The following PPP2R2A variants were observed in gnomAD, a reference collection of about 807,000 sequenced individuals.
The protein encoded by PPP2R2A is protein phosphatase 2 regulatory subunit Balpha.
PPP2R2A carries 9 observed loss-of-function variants against 53.2 expected under a neutral mutation model. The ratio of observed to expected loss-of-function variants is 0.17; its 90% confidence interval spans 0.10 to 0.30. The LOEUF (loss-of-function observed/expected upper bound fraction) is 0.30. PPP2R2A is among the 10% of genes least tolerant of loss of function. The pLI, the probability that PPP2R2A is intolerant of heterozygous loss-of-function variation, is 1.00. For missense variants in PPP2R2A, 235 were observed against 534.6 expected (o/e 0.44, Z 5.53); for synonymous variants, 169 against 174.2 (o/e 0.97, Z 0.23).
intron 2 of PPP2R2A, chr8:26,333,401 G>C (rs879944305): frequency 1.6e-5 from 8 of 485,564 alleles, no homozygotes; most frequent in Admixed American, 7.0e-5. Flanking sequence ...TAACTATTGA[G>C]TATTTCAAAT....
intron 2 of PPP2R2A, 141 bp downstream of exon 2, chr8:26,293,881 T>G: frequency 1.4e-6 from 1 of 732,256 alleles, no homozygotes; most frequent in Non-Finnish European, 2.2e-6. Flanking sequence ...TTTTAAAAGA[T>G]ACCTTTCTGA....
At chr8:26,352,231 A>G (rs1285362397) in intron 3 of PPP2R2A, among the ~76,000 whole-genome samples, 2 of 152,216 alleles carry the variant, frequency 1.3e-5, no homozygotes, top group Non-Finnish European at 2.9e-5. Flanking sequence ...ATGCATTCTC[A>G]TTTGAGTGGC....
At chr8:26,291,856 C>G in intron 1 of PPP2R2A, 30 bp downstream of exon 1, 1 of 1,607,708 alleles carries the variant, frequency 6.2e-7, no homozygotes, top group Non-Finnish European at 8.5e-7. Context: ...CGCCCCCTGA[C>G]AAGGCACCGC....
chr8:26,306,384 G>A (rs1275387212), intron 2 of PPP2R2A, among the ~76,000 whole-genome samples: 3 of 150,526 alleles, frequency 2.0e-5, no homozygotes, highest in Non-Finnish European at 4.4e-5. Flanking sequence ...GCTGAGGCAC[G>A]AGAAATACTT....
chr8:26,369,925 G>T (rs201037086), intron 9 of PPP2R2A, among the ~76,000 whole-genome samples: 1 of 152,142 alleles, frequency 6.6e-6, no homozygotes, highest in South Asian at 2.1e-4. Flanking sequence ...GATAGTTTTG[G>T]TAGCCATAAA....
intron 4 of PPP2R2A, chr8:26,359,004 C>G (rs895098182): frequency 4.4e-6 from 2 of 452,380 alleles, no homozygotes; most frequent in African/African-American, 4.0e-5. Context: ...ATTGTCTTAA[C>G]CAAATGACCC....
At chr8:26,309,381 A>G (rs921970630) in intron 2 of PPP2R2A, among the ~76,000 whole-genome samples, 11 of 152,174 alleles carry the variant, frequency 7.2e-5, no homozygotes, top group Non-Finnish European at 1.6e-4. Context: ...AGTGCTATAA[A>G]CAGATGTGCT....
chr8:26,312,907 TAAA>T (rs1367889279), intron 2 of PPP2R2A, among the ~76,000 whole-genome samples: 2 of 152,158 alleles, frequency 1.3e-5, no homozygotes, highest in African/African-American at 4.8e-5. Flanking sequence ...AGTTTTTAAA[TAAA>T]AGTCCATATT....
chr8:26,320,536 T>C (rs1253569007), intron 2 of PPP2R2A, among the ~76,000 whole-genome samples: 1 of 152,222 alleles, frequency 6.6e-6, no homozygotes, highest in Non-Finnish European at 1.5e-5. Flanking sequence ...GTATTATGTA[T>C]ATTCCACAGT....
At chr8:26,364,216 G>A (rs1585412406) in intron 8 of PPP2R2A, among the ~76,000 whole-genome samples, 1 of 152,176 alleles carries the variant, frequency 6.6e-6, no homozygotes, top group East Asian at 1.9e-4. Context: ...GCAGGAAGAG[G>A]ATTGGAGAAA....
In PPP2R2A at chr8:26,338,843, G is replaced by A. The variant is rs375836897; in HGVS notation, c.83-47G>A. 6.3e-5 allele frequency: 85 copies of A among 1,350,708 alleles called. No homozygotes were observed. The South Asian group carries it at 7.3e-4, about 12-fold the overall frequency. 83.7% of individuals were successfully genotyped at this position (1,350,708 alleles called of 1,614,324 possible). Reference sequence around the variant, plus strand: ...CGCTAAGTTCTGAAACTAGTGAGTCGGGAAAGAAAAACTAATATCTTTTTT... The same window carrying A: ...CGCTAAGTTCTGAAACTAGTGAGTCAGGAAAGAAAAACTAATATCTTTTTT... On this transcript the variant is annotated intron_variant, in intron 2 of 9. Coordinates refer to ENST00000380737, the MANE Select transcript of PPP2R2A (RefSeq NM_002717.4). The surrounding 1 kb of genome is among the most constrained non-coding windows in gnomAD (Gnocchi z 4.5).
At chr8:26,343,037 T>A (rs1382769436) in intron 3 of PPP2R2A, among the ~76,000 whole-genome samples, 1 of 151,792 alleles carries the variant, frequency 6.6e-6, no homozygotes, top group Non-Finnish European at 1.5e-5. Flanking sequence ...AATTAGCTGA[T>A]CCTGGTGGCA....
intron 6 of PPP2R2A, 51 bp downstream of exon 6, chr8:26,361,202 A>G (rs755027646): frequency 3.4e-6 from 5 of 1,474,300 alleles, no homozygotes; most frequent in African/African-American, 1.4e-5. Context: ...TGTTGTGCCC[A>G]TATTAGATTT....
intron 2 of PPP2R2A, among the ~76,000 whole-genome samples, chr8:26,316,161 C>T (rs542072625): frequency 2.2e-4 from 33 of 152,092 alleles, no homozygotes; most frequent in East Asian, 7.7e-4. Flanking sequence ...CCTGCCACCA[C>T]GCCCGGCTAA....
rs1801612329 is a variant in PPP2R2A, at chr8:26,297,905, A to T, written c.82+4165A>T. Among the ~76,000 whole-genome samples the T allele has an allele frequency of 3.3e-5, 5 of 152,230 alleles. No individual in the cohort carries two copies. In the South Asian group the frequency reaches 8.3e-4, roughly 25 times the overall value. ...GAAGGAAATAGCATATATGTGTGTT[A>T]TACATACTCTTTGATTCCACTAGTA... On this transcript the variant is annotated intron_variant, in intron 2 of 9. Coordinates refer to ENST00000380737, the MANE Select transcript of PPP2R2A (RefSeq NM_002717.4).
intron 6 of PPP2R2A, among the ~76,000 whole-genome samples, chr8:26,361,888 GAGAT>G (rs550840277): frequency 4.1e-4 from 62 of 151,744 alleles, no homozygotes; most frequent in Middle Eastern, 3.4e-3. Context: ...TTGAACCTGG[GAGAT>G]AGAGGTTGCA....
At chr8:26,342,273 G>C (rs1264459528) in intron 3 of PPP2R2A, among the ~76,000 whole-genome samples, 1 of 152,146 alleles carries the variant, frequency 6.6e-6, no homozygotes. Flanking sequence ...GTTCTTTATA[G>C]CATGACCCGA....
intron 4 of PPP2R2A, chr8:26,358,881 G>T (rs984347341): frequency 2.2e-6 from 1 of 455,596 alleles, no homozygotes; most frequent in Non-Finnish European, 4.4e-6. Context: ...TCCCTACAGG[G>T]AGTATAACTT....
At position 26,372,036 on chromosome 8, in the gene PPP2R2A, A is replaced by G. The variant is rs1239342658; in HGVS notation, c.*1623A>G. The G allele has an allele frequency of 2.6e-5, 4 of 152,206 alleles. No individual in the cohort carries two copies. The highest frequency in any genetic ancestry group is 4.8e-5 in the African/African-American group (2 of 41,462). The allele number at this position is 152,206 out of a possible 1,614,324, so 9.4% of individuals were successfully genotyped here. A position where few individuals can be genotyped will look rare whatever the true frequency, so the allele number is the denominator to read the frequency against. On this transcript the variant is annotated 3_prime_UTR_variant, in exon 10 of 10. Coordinates refer to ENST00000380737, the MANE Select transcript of PPP2R2A (RefSeq NM_002717.4). ...TTCTATGTCCACTACCTATTGTTCT[A>G]TTCTTCAATAATGAAAAAGAATTCA...
Sources: allele counts gnomAD v4.1 joint callset (sites outside exome capture counted in the v4.1 genomes callset), GRCh38; gene constraint gnomAD v4.1.1; non-coding constraint Gnocchi (gnomAD v3.1); transcripts MANE v1.5; gene names NCBI Gene and HGNC (gene_info 2026-07-23, HGNC 2026-07-21).